APC: variants seen among roughly 807,000 people sequenced by gnomAD.
APC encodes the protein adenomatous polyposis coli protein.
Under a neutral mutation model 247.0 loss-of-function variants are expected in APC, and 72 were observed. That is an observed-to-expected ratio of 0.29 (90% CI 0.24 to 0.35). APC has a LOEUF of 0.35. Among genes scored for constraint, APC ranks in the 10% least tolerant of loss-of-function variants. The pLI, the probability that APC is intolerant of heterozygous loss-of-function variation, is 1.00. For synonymous variants in APC, 1,254 were observed against 1,162.5 expected (o/e 1.08, Z -1.60); for missense variants, 3,400 against 3,360.7 (o/e 1.01, Z -0.29).
rs748342378 is a variant in APC, at chr5:112,839,926, A to G, written c.4332A>G (p.Gln1444=). The change falls in exon 16 of 16, where the codon CAA becomes CAG. Residue 1444 remains glutamine, a synonymous_variant. Coordinates refer to ENST00000257430, the MANE Select transcript of APC (RefSeq NM_000038.6). The surrounding 1 kb of genome is among the most constrained non-coding windows in gnomAD (Gnocchi z 5.0). ...GTAAAACACCTCCACCACCTCCTCA[A>G]ACAGCTCAAACCAAGCGAGAAGTAC... The part of the protein sequence containing the change: ...SRSKTPPPPP[Q]TAQTKREVPK... The G allele has an allele frequency of 9.3e-6, 15 of 1,613,916 alleles. No individual in the cohort carries two copies. Among genetic ancestry groups the G allele is most frequent in the South Asian group, 4.4e-5 (4 of 91,066 alleles).
intron 8 of APC, among the ~76,000 whole-genome samples, chr5:112,806,603 G>T (rs1323975069): frequency 2.0e-5 from 3 of 150,102 alleles, no homozygotes; most frequent in Non-Finnish European, 4.4e-5. Flanking sequence ...TTGAGATAGG[G>T]TCTCACTCTG....
chr5:112,826,082 C>G (rs116186228), intron 11 of APC, among the ~76,000 whole-genome samples: 1,660 of 152,264 alleles, frequency 0.011, 22 homozygotes, highest in Non-Finnish European at 0.013. Flanking sequence ...GAATTCTTGA[C>G]CCACGACAGA....
chr5:112,792,668 GAAATT>G, intron 7 of APC, 139 bp downstream of exon 7: 1 of 659,538 alleles, frequency 1.5e-6, no homozygotes, highest in African/African-American at 1.8e-5. Context: ...TTTTTTTCGT[GAAATT>G]AAATTATCAA....
intron 4 of APC, among the ~76,000 whole-genome samples, chr5:112,769,990 C>CA (rs1449873237): frequency 7.3e-6 from 1 of 136,620 alleles, no homozygotes; most frequent in Non-Finnish European, 1.7e-5. Context: ...TCTCTTTTTC[C>CA]CCTTTGAGCT....
At chr5:112,816,690 G>C (rs1284753025) in intron 9 of APC, among the ~76,000 whole-genome samples, 1 of 151,588 alleles carries the variant, frequency 6.6e-6, no homozygotes, top group Non-Finnish European at 1.5e-5. Context: ...CTACTCGGGA[G>C]GCTGAGGCAG....
At chr5:112,805,699 T>C (rs533706003) in intron 8 of APC, among the ~76,000 whole-genome samples, 43 of 152,324 alleles carry the variant, frequency 2.8e-4, no homozygotes, top group African/African-American at 1.0e-3. Context: ...GTTTGTTTTG[T>C]TTTATTATTT....
chr5:112,759,251 AG>A (rs1755369020), intron 2 of APC, among the ~76,000 whole-genome samples: 1 of 152,184 alleles, frequency 6.6e-6, no homozygotes, highest in African/African-American at 2.4e-5. Context: ...AAGTGGGTCA[AG>A]TAGCAGCCTC....
intron 4 of APC, among the ~76,000 whole-genome samples, chr5:112,775,157 ATATT>A (rs1043662766): frequency 3.3e-5 from 5 of 152,138 alleles, no homozygotes; most frequent in Non-Finnish European, 5.9e-5. Context: ...AAATGACAGT[ATATT>A]TCTTATTATT....
intron 2 of APC, among the ~76,000 whole-genome samples, chr5:112,763,495 A>G (rs78307272): frequency 2.6e-5 from 4 of 152,066 alleles, no homozygotes; most frequent in African/African-American, 9.7e-5. Flanking sequence ...ATCTGAATTT[A>G]TATGGCTTTT....
At chr5:112,725,259 C>T (rs1157798909) in intron 1 of APC, among the ~76,000 whole-genome samples, 4 of 152,154 alleles carry the variant, frequency 2.6e-5, no homozygotes, top group Non-Finnish European at 5.9e-5. Context: ...AGGCGTGAGC[C>T]ACTGCACCCA....
chr5:112,813,994 C>G (rs775376443), intron 8 of APC, among the ~76,000 whole-genome samples: 1 of 152,118 alleles, frequency 6.6e-6, no homozygotes, highest in African/African-American at 2.4e-5. Context: ...GACATTCTTA[C>G]GGATTTTACT....
chr5:112,819,255 A>G lies in APC; in HGVS notation c.1223A>G (p.His408Arg), dbSNP rs890378836. Reference sequence around the variant, plus strand: ...GGCAGGCGTGAAATCCGAGTCCTTCATCTTTTGGAACAGATACGCGCTTAC... The same window carrying G: ...GGCAGGCGTGAAATCCGAGTCCTTCGTCTTTTGGAACAGATACGCGCTTAC... ...KRGRREIRVLHLLEQIRAYCE... is the reference protein window; with the variant it reads ...KRGRREIRVLRLLEQIRAYCE... Residue 408 changes from histidine (H) to arginine (R), a missense_variant, in exon 10 of 16, where the codon CAT becomes CGT. Physicochemically the swap from His to Arg is conservative, Grantham distance 29. Coordinates refer to ENST00000257430, the MANE Select transcript of APC (RefSeq NM_000038.6). 1.9e-6 allele frequency: 3 copies of G among 1,614,036 alleles called. No homozygotes were observed. Among genetic ancestry groups the G allele is most frequent in the African/African-American group, 1.3e-5 (1 of 75,044 alleles).
rs116611026 is a variant in APC at position 112,729,646 on chromosome 5, T to C, written c.165+21764T>C. 6.1e-3 allele frequency among the ~76,000 whole-genome samples: 922 copies of C among 152,354 alleles called. 7 individuals are homozygous for C. Among genetic ancestry groups the C allele is most frequent in the Middle Eastern group, 0.01 (3 of 294 alleles). ...TACACTGGGAAGCCAATGAACAGTT[T>C]GAAGTTTTTAAGGGCTCATGTCATT... is the stretch of plus-strand genomic sequence containing the variant. On this transcript the variant is annotated intron_variant, in intron 1 of 13. Transcript: ENST00000507379.
At chr5:112,788,883 A>T (rs369565374) in intron 6 of APC, among the ~76,000 whole-genome samples, 1 of 152,136 alleles carries the variant, frequency 6.6e-6, no homozygotes, top group African/African-American at 2.4e-5. Flanking sequence ...CAGTTTGTTT[A>T]TCCTTTCCAG....
upstream of APC, among the ~76,000 whole-genome samples, chr5:112,733,244 C>G (rs892272794): frequency 2.6e-5 from 4 of 152,148 alleles, no homozygotes; most frequent in Admixed American, 6.5e-5. Flanking sequence ...AATAATGGCT[C>G]CCTACAAATG....
chr5:112,802,805 A>C (rs1415338523), intron 8 of APC, among the ~76,000 whole-genome samples: 4 of 152,286 alleles, frequency 2.6e-5, no homozygotes, highest in South Asian at 4.1e-4. Flanking sequence ...TCCAAAACAA[A>C]CAACCAAGAT....
At chr5:112,732,336 C>T (rs1465122467) in intron 1 of APC, among the ~76,000 whole-genome samples, 1 of 152,146 alleles carries the variant, frequency 6.6e-6, no homozygotes, top group Non-Finnish European at 1.5e-5. Flanking sequence ...GCACTACCCA[C>T]AGATTCTTTC....
At chr5:112,805,258 G>A (rs1761256355) in intron 8 of APC, among the ~76,000 whole-genome samples, 1 of 152,160 alleles carries the variant, frequency 6.6e-6, no homozygotes, top group African/African-American at 2.4e-5. Context: ...AGAAAGCACT[G>A]TCTTGATTTC....
chr5:112,781,526 G>T lies in APC; in HGVS notation c.645+623G>T, dbSNP rs140357077. On this transcript the variant is annotated intron_variant, in intron 6 of 15. Coordinates refer to ENST00000257430, the MANE Select transcript of APC (RefSeq NM_000038.6). ...TTGCCTTATCTGTTTCAAAACTAGC[G>T]TGGGTTGTTGTTTTCTTTTTTAACT... Among the ~76,000 whole-genome samples the T allele has an allele frequency of 6.8e-4, 103 of 152,148 alleles. 1 individual carries two copies. The East Asian group carries it at 0.013, about 20-fold the overall frequency.
Sources: gnomAD v4.1 joint callset for allele counts (sites outside exome capture counted in the v4.1 genomes callset) on GRCh38, gnomAD v4.1.1 for gene constraint, Gnocchi (gnomAD v3.1) non-coding constraint, MANE v1.5 for transcripts, NCBI Gene and HGNC (gene_info 2026-07-23, HGNC 2026-07-21) for gene names.